Variants in MYO5B observed in about 807,000 individuals in gnomAD.
MYO5B encodes unconventional myosin-Vb.
In MYO5B, 143 loss-of-function variants were observed where a neutral mutation model predicts 229.3. The observed-to-expected ratio is 0.62, with a 90% CI of 0.54 to 0.72. The LOEUF (loss-of-function observed/expected upper bound fraction) is 0.72. Among genes scored for constraint, MYO5B ranks in the 30% least tolerant of loss-of-function variants. MYO5B has a pLI of 0.00. For missense variants in MYO5B, 2,321 were observed against 2,331.0 expected, an observed-to-expected ratio of 1.00 and a Z score of 0.09; for synonymous variants, 918 against 885.2, an observed-to-expected ratio of 1.04 and a Z score of -0.66.
intron 10 of MYO5B, among the ~76,000 whole-genome samples, chr18:49,968,016 A>T (rs1269187954): frequency 6.6e-6 from 1 of 152,188 alleles, no homozygotes; most frequent in Non-Finnish European, 1.5e-5. Context: ...ACAGGAAAAC[A>T]TCCACTGTAT....
chr18:50,004,816 G>A (rs961792530), intron 4 of MYO5B, among the ~76,000 whole-genome samples: 1 of 152,194 alleles, frequency 6.6e-6, no homozygotes, highest in Non-Finnish European at 1.5e-5. Flanking sequence ...TTCTGTAACA[G>A]CCTACAAAGT....
At chr18:50,190,767 A>T (rs1316808448) in intron 1 of MYO5B, among the ~76,000 whole-genome samples, 1 of 152,272 alleles carries the variant, frequency 6.6e-6, no homozygotes, top group Non-Finnish European at 1.5e-5. Flanking sequence ...ACTGAACAGT[A>T]TTTAATACAA....
At chr18:50,045,709 T>C (rs1310799171) in intron 2 of MYO5B, among the ~76,000 whole-genome samples, 4 of 152,208 alleles carry the variant, frequency 2.6e-5, no homozygotes, top group Non-Finnish European at 4.4e-5. Flanking sequence ...TAATATATTT[T>C]CTTTCACATC....
At chr18:50,000,168 G>A (rs1183649912) in intron 5 of MYO5B, among the ~76,000 whole-genome samples, 1 of 152,178 alleles carries the variant, frequency 6.6e-6, no homozygotes, top group Non-Finnish European at 1.5e-5. Context: ...AGAGGGGACT[G>A]GGGAAAGTCC....
Position 50,195,117 on chromosome 18 carries a change from G to C in MYO5B, c.-324C>G. 4.4e-6 allele frequency: 1 copy of C among 226,100 alleles called. No individual in the cohort carries two copies. Among genetic ancestry groups the C allele is most frequent in the Non-Finnish European group, 8.6e-6 (1 of 116,720 alleles). 14.0% of individuals were successfully genotyped at this position (226,100 alleles called of 1,614,324 possible). On this transcript the variant is annotated 5_prime_UTR_variant, in exon 1 of 40. Coordinates refer to ENST00000285039, the MANE Select transcript of MYO5B (RefSeq NM_001080467.3). ...GAGGAGGGAGGACCCGCTCGCGTCA[G>C]AGCGGACGGCCCGTGCGCCGCCGCG...
chr18:50,101,420 T>C (rs1419229346), intron 1 of MYO5B, among the ~76,000 whole-genome samples: 1 of 152,142 alleles, frequency 6.6e-6, no homozygotes, highest in Non-Finnish European at 1.5e-5. Context: ...GGCATATTGA[T>C]TGACACATAT....
chr18:50,103,062 C>T (rs2031686017), intron 1 of MYO5B, among the ~76,000 whole-genome samples: 2 of 152,224 alleles, frequency 1.3e-5, no homozygotes, highest in South Asian at 4.1e-4. Context: ...CTCCCCTGCC[C>T]CGCCTGTCCT....
intron 27 of MYO5B, 114 bp from the exon 28 acceptor site, chr18:49,864,494 G>A (rs150878040): frequency 2.8e-6 from 4 of 1,435,120 alleles, no homozygotes; most frequent in Admixed American, 3.7e-5. Context: ...CTCTTTAAAC[G>A]TTGACACACA....
intron 12 of MYO5B, among the ~76,000 whole-genome samples, chr18:49,959,462 G>C (rs2025532418): frequency 6.6e-6 from 1 of 152,198 alleles, no homozygotes; most frequent in South Asian, 2.1e-4. Context: ...TCTGAATACA[G>C]AGTAAATCCT....
In MYO5B at chr18:49,937,357, G is replaced by A. The variant is rs75107667; in HGVS notation, c.1793C>T (p.Pro598Leu). The A allele has an allele frequency of 1.4e-3, 2,199 of 1,614,146 alleles. 24 individuals carry two copies. In the African/African-American group the frequency reaches 0.026, roughly 19 times the overall value. ...VADLFHDDKD[P>L]VPATTPGKGS... ...CTTCCCAGGGGTGGTGGCAGGAACA[G>A]GGTCCTTGTCATCATGAAACAAGTC... Residue 598 changes from proline (P) to leucine (L), a missense_variant, in exon 15 of 40, where the codon CCT becomes CTT. Pro to Leu is a moderately conservative substitution (Grantham distance 98). Coordinates refer to ENST00000285039, the MANE Select transcript of MYO5B (RefSeq NM_001080467.3).
intron 1 of MYO5B, among the ~76,000 whole-genome samples, chr18:50,055,603 T>C (rs1297777855): frequency 6.6e-6 from 1 of 152,124 alleles, no homozygotes; most frequent in Non-Finnish European, 1.5e-5. Context: ...AAAAGAACGT[T>C]GCAGATCAAT....
At chr18:50,068,295 G>T (rs1182388592) in intron 1 of MYO5B, among the ~76,000 whole-genome samples, 1 of 152,162 alleles carries the variant, frequency 6.6e-6, no homozygotes, top group Non-Finnish European at 1.5e-5. Context: ...CCCACACCAG[G>T]TGTTAAATCA....
intron 4 of MYO5B, among the ~76,000 whole-genome samples, chr18:50,006,599 C>T (rs79655697): frequency 6.6e-6 from 1 of 152,206 alleles, no homozygotes; most frequent in South Asian, 2.1e-4. Flanking sequence ...CTGGCCCCCC[C>T]TTCTGTGACA....
chr18:50,094,390 T>C (rs1374524063), intron 1 of MYO5B, among the ~76,000 whole-genome samples: 2 of 152,098 alleles, frequency 1.3e-5, no homozygotes, highest in East Asian at 1.9e-4. Flanking sequence ...GAAAATGTGG[T>C]TTAAAAAAAA....
At chr18:50,005,975 C>T (rs967784038) in intron 4 of MYO5B, among the ~76,000 whole-genome samples, 2 of 152,166 alleles carry the variant, frequency 1.3e-5, no homozygotes, top group Non-Finnish European at 2.9e-5. Flanking sequence ...CTTTTAAGAC[C>T]TTGTCATATT....
At chr18:50,051,928 G>A (rs1019838485) in intron 2 of MYO5B, among the ~76,000 whole-genome samples, 5 of 152,182 alleles carry the variant, frequency 3.3e-5, no homozygotes, top group Non-Finnish European at 5.9e-5. Context: ...TGTAAAAGAG[G>A]AAGAGTTCTG....
chr18:49,972,912 G>A (rs1333490836), intron 10 of MYO5B, among the ~76,000 whole-genome samples: 2 of 152,056 alleles, frequency 1.3e-5, no homozygotes, highest in African/African-American at 4.8e-5. Context: ...CTCCTTATCA[G>A]CAAGGAGGTT....
At position 49,837,626 on chromosome 18, in the gene MYO5B, T is replaced by C. The variant is rs752212773; in HGVS notation, c.5029A>G (p.Ile1677Val). 1.9e-6 allele frequency: 3 copies of C among 1,613,980 alleles called. No homozygotes were observed. In the South Asian group the frequency reaches 3.3e-5, roughly 18 times the overall value. The change falls in exon 37 of 40, where the codon ATC becomes GTC. Residue 1677 changes from isoleucine to valine, a missense_variant. Coordinates refer to ENST00000285039, the MANE Select transcript of MYO5B (RefSeq NM_001080467.3). ...VMCDQGLDPE[I>V]ILQVFKQLFY... ...AGCTGTTTGAATACCTGCAGGATGATCTCAGGGTCCAAGCCCTGGTCACAC... is the reference window on the plus strand; with the variant it reads ...AGCTGTTTGAATACCTGCAGGATGACCTCAGGGTCCAAGCCCTGGTCACAC...
At chr18:49,962,456 A>G (rs2025570515) in intron 11 of MYO5B, 50 bp from the exon 12 acceptor site, 1 of 1,613,260 alleles carries the variant, frequency 6.2e-7, no homozygotes, top group African/African-American at 1.3e-5. Context: ...ACACCTTAAC[A>G]TTCACCTCCC....
Sources: gnomAD v4.1 joint callset for allele counts (sites outside exome capture counted in the v4.1 genomes callset) on GRCh38, gnomAD v4.1.1 for gene constraint, MANE v1.5 for transcripts, NCBI Gene and HGNC (gene_info 2026-07-23, HGNC 2026-07-21) for gene names.